SLC6A6: variants seen among roughly 807,000 people sequenced by gnomAD.
SLC6A6 encodes solute carrier family 6 member 6.
Under a neutral mutation model 68.8 loss-of-function variants are expected in SLC6A6, and 16 were observed. That is an observed-to-expected ratio of 0.23 (90% CI 0.16 to 0.35). SLC6A6 has a LOEUF of 0.35. Among genes scored for constraint, SLC6A6 ranks in the 10% least tolerant of loss-of-function variants. The pLI, the probability that SLC6A6 is intolerant of heterozygous loss-of-function variation, is 1.00. For missense variants in SLC6A6, 474 were observed against 802.8 expected, an observed-to-expected ratio of 0.59 and a Z score of 4.95; for synonymous variants, 312 against 315.4, an observed-to-expected ratio of 0.99 and a Z score of 0.12.
intron 5 of SLC6A6, among the ~76,000 whole-genome samples, chr3:14,456,886 G>A (rs1007495200): frequency 6.6e-6 from 1 of 152,244 alleles, no homozygotes; most frequent in African/African-American, 2.4e-5. Context: ...CTTGTGGCCA[G>A]CAGCCTGTGG....
chr3:14,466,464 TAGC>T, intron 6 of SLC6A6, 49 bp from the exon 7 acceptor site: 1 of 1,571,894 alleles, frequency 6.4e-7, no homozygotes. Context: ...TGCTCAGACT[TAGC>T]AGCAGCAAGT....
intron 6 of SLC6A6, among the ~76,000 whole-genome samples, chr3:14,463,170 A>G (rs1574953751): frequency 5.3e-5 from 8 of 152,100 alleles, no homozygotes; most frequent in Admixed American, 5.2e-4. Flanking sequence ...AGGTGTGGGG[A>G]CCTGACACCA....
At chr3:14,464,384 T>G (rs1201772687) in intron 6 of SLC6A6, among the ~76,000 whole-genome samples, 1 of 152,146 alleles carries the variant, frequency 6.6e-6, no homozygotes, top group Non-Finnish European at 1.5e-5. Flanking sequence ...AGTTTTATTG[T>G]TGCAAAATGG....
intron 7 of SLC6A6, among the ~76,000 whole-genome samples, chr3:14,467,301 A>T (rs986420269): frequency 6.6e-6 from 1 of 152,160 alleles, no homozygotes; most frequent in Non-Finnish European, 1.5e-5. Flanking sequence ...CTTGGAGGAC[A>T]GCTGGGAACG....
chr3:14,474,888 A>T (rs1256081391), intron 10 of SLC6A6, among the ~76,000 whole-genome samples: 1 of 152,256 alleles, frequency 6.6e-6, no homozygotes, highest in African/African-American at 2.4e-5. Context: ...ACCCTGACTC[A>T]TCAGGGGTTC....
chr3:14,433,182 C>T (rs1284226725), intron 2 of SLC6A6, among the ~76,000 whole-genome samples: 1 of 152,204 alleles, frequency 6.6e-6, no homozygotes, highest in Non-Finnish European at 1.5e-5. Flanking sequence ...GCTCAGTCAG[C>T]CAGAGCTTTT....
chr3:14,429,966 G>A (rs1006831120), intron 2 of SLC6A6, among the ~76,000 whole-genome samples: 2 of 145,148 alleles, frequency 1.4e-5, no homozygotes, highest in East Asian at 2.3e-4. Flanking sequence ...TGAGCTGGAG[G>A]ATGCTAAACG....
intron 2 of SLC6A6, among the ~76,000 whole-genome samples, chr3:14,429,724 C>T (rs986960830): frequency 5.9e-5 from 9 of 152,208 alleles, no homozygotes; most frequent in African/African-American, 2.2e-4. Context: ...GCCCAGGCAT[C>T]TGCATTTTTA....
chr3:14,461,883 G>A (rs1700504257), intron 6 of SLC6A6, among the ~76,000 whole-genome samples: 1 of 152,106 alleles, frequency 6.6e-6, no homozygotes. Flanking sequence ...GGCTCCCCCT[G>A]CTGCTGCTGC....
chr3:14,427,624 G>A (rs1376526673), intron 2 of SLC6A6, among the ~76,000 whole-genome samples: 1 of 152,202 alleles, frequency 6.6e-6, no homozygotes, highest in African/African-American at 2.4e-5. Flanking sequence ...GCCATGTTGA[G>A]GGGTCCCAGT....
intron 1 of SLC6A6, among the ~76,000 whole-genome samples, chr3:14,410,233 C>T (rs185560671): frequency 2.0e-5 from 3 of 152,064 alleles, no homozygotes; most frequent in African/African-American, 4.8e-5. Context: ...TGTGCTCCCC[C>T]CTCCCAGCCG....
Position 14,477,106 on chromosome 3 carries a change from G to A in SLC6A6, c.1210-99G>A. On this transcript the variant is annotated intron_variant, in intron 10 of 14. Transcript: ENST00000622186. This position sits in a 1 kb window ranked among gnomAD's most constrained non-coding sequence, Gnocchi z 4.2. ...TCTGGACACAAGGATGGTCACGTCT[G>A]CTCCTGCATTGTGTGTTCCTGGGCC... 1 of 1,125,718 alleles carries A rather than the reference G, an allele frequency of 8.9e-7. No homozygotes were observed. The highest frequency in any genetic ancestry group is 1.4e-5 in the South Asian group (1 of 71,492). The allele number at this position is 1,125,718 out of a possible 1,614,324, so 69.7% of individuals were successfully genotyped here.
chr3:14,461,626 T>C (rs1257861187), intron 6 of SLC6A6, among the ~76,000 whole-genome samples: 1 of 152,176 alleles, frequency 6.6e-6, no homozygotes, highest in East Asian at 1.9e-4. Context: ...GAGCAGCTCT[T>C]TTTGCCTGGT....
At position 14,481,687 on chromosome 3, in the gene SLC6A6, C is replaced by T. The variant is rs763562406; in HGVS notation, c.1568C>T (p.Ser523Leu). ...PVLCVGCFIF[S>L]LVKYVPLTYN... ...TCTCCGCAGGGATGTTTCATCTTCT[C>T]GCTCGTCAAGTACGTACCCCTGACC... The change falls in exon 14 of 15, where the codon TCG becomes TTG. Residue 523 changes from serine (S) to leucine (L), a missense_variant. Ser to Leu is a moderately radical substitution (Grantham distance 145, BLOSUM62 -2). Coordinates refer to ENST00000622186, the MANE Select transcript of SLC6A6 (RefSeq NM_003043.6). The surrounding 1 kb of genome is among the most constrained non-coding windows in gnomAD (Gnocchi z 4.7). 9.3e-6 allele frequency: 15 copies of T among 1,612,044 alleles called. No individual in the cohort carries two copies. The highest frequency in any genetic ancestry group is 5.0e-5 in the Admixed American group (3 of 59,786).
At chr3:14,434,570 C>T (rs1699808134) in intron 2 of SLC6A6, among the ~76,000 whole-genome samples, 2 of 152,222 alleles carry the variant, frequency 1.3e-5, no homozygotes, top group Non-Finnish European at 2.9e-5. Flanking sequence ...TAACCCTGGA[C>T]CTCTGAGATG....
At chr3:14,410,504 C>G (rs924458978) in intron 1 of SLC6A6, among the ~76,000 whole-genome samples, 3 of 152,170 alleles carry the variant, frequency 2.0e-5, no homozygotes, top group African/African-American at 7.2e-5. Context: ...GTGAGCAGCT[C>G]TGGCCACTGC....
In SLC6A6 at chr3:14,477,297, C is replaced by T. The variant is rs751612848; in HGVS notation, c.1302C>T (p.Phe434=). 2.5e-6 allele frequency: 4 copies of T among 1,613,968 alleles called. No individual in the cohort carries two copies. The highest frequency in any genetic ancestry group is 1.3e-5 in the African/African-American group (1 of 74,926). ...KGYRREIFIA[F]VCSISYLLGL... ...ATCGTCGGGAAATCTTCATCGCCTT[C>T]GTGTGTAGCATCAGCTACCTGCTGG... is the stretch of plus-strand genomic sequence containing the variant. The change falls in exon 11 of 15, where the codon TTC becomes TTT. Residue 434 remains phenylalanine (F), a synonymous_variant. Coordinates refer to ENST00000622186, the MANE Select transcript of SLC6A6 (RefSeq NM_003043.6). This position sits in a 1 kb window ranked among gnomAD's most constrained non-coding sequence, Gnocchi z 4.2.
intron 2 of SLC6A6, among the ~76,000 whole-genome samples, chr3:14,426,822 G>T (rs1406072481): frequency 6.6e-6 from 1 of 152,134 alleles, no homozygotes; most frequent in Non-Finnish European, 1.5e-5. Flanking sequence ...TGGTGAGGAA[G>T]AAGAAACTTC....
intron 3 of SLC6A6, among the ~76,000 whole-genome samples, chr3:14,445,501 A>G (rs927989094): frequency 6.6e-6 from 1 of 152,088 alleles, no homozygotes; most frequent in African/African-American, 2.4e-5. Flanking sequence ...TCCCTGGTAG[A>G]TTTGAAGGTG....
Sources: gnomAD v4.1 joint callset for allele counts (sites outside exome capture counted in the v4.1 genomes callset) on GRCh38, gnomAD v4.1.1 for gene constraint, Gnocchi (gnomAD v3.1) non-coding constraint, MANE v1.5 for transcripts, NCBI Gene and HGNC (gene_info 2026-07-23, HGNC 2026-07-21) for gene names.